The following CHCT1 variants were observed in gnomAD, a reference collection of about 807,000 sequenced individuals.
CHCT1 encodes the protein CHD1 helical C-terminal domain containing protein 1.
the CHCT1 span, among the ~76,000 whole-genome samples, chr17:60,425,496 T>C: frequency 1.3e-5 from 2 of 152,138 alleles, no homozygotes; most frequent in Admixed American, 1.3e-4. Flanking sequence ...CTGACAGAAT[T>C]TGCGGGAAGA....
At chr17:60,426,364 C>T in the CHCT1 span, 7 of 1,530,972 alleles carry the variant, frequency 4.6e-6, no homozygotes, top group Non-Finnish European at 6.2e-6. Context: ...CTCTGCTCCC[C>T]ATACCTACTC....
the CHCT1 span, among the ~76,000 whole-genome samples, chr17:60,424,686 C>T: frequency 6.6e-6 from 1 of 151,988 alleles, no homozygotes; most frequent in Non-Finnish European, 1.5e-5. Flanking sequence ...GAGTTTGAGA[C>T]CAGACTGGCC....
At chr17:60,424,822 G>A in the CHCT1 span, among the ~76,000 whole-genome samples, 74 of 150,744 alleles carry the variant, frequency 4.9e-4, no homozygotes, top group Admixed American at 1.1e-3. Context: ...GCAGTGAGCC[G>A]AGATCACACC....
the CHCT1 span, chr17:60,429,265 C>A: frequency 6.5e-4 from 861 of 1,328,320 alleles, 1 homozygote; most frequent in Admixed American, 1.5e-3. Context: ...GACCGGCAGG[C>A]AGACCTTAGC....
chr17:60,421,673 G>A, the CHCT1 span: 1 of 895,590 alleles, frequency 1.1e-6, no homozygotes. Context: ...CGCGCCAGGG[G>A]CGAGGGTCCC....
At chr17:60,426,730 G>A in the CHCT1 span, 58 of 1,610,956 alleles carry the variant, frequency 3.6e-5, no homozygotes, top group East Asian at 1.1e-3. Flanking sequence ...TGCTCTGGCG[G>A]TTCATCTCCC....
the CHCT1 span, chr17:60,426,516 C>G: frequency 9.6e-7 from 1 of 1,045,834 alleles, no homozygotes; most frequent in Admixed American, 2.7e-5. Flanking sequence ...TTGTCTCTGA[C>G]TGAACAACTG....
At chr17:60,422,030 C>CCAGCACA in the CHCT1 span, 1 of 870,618 alleles carries the variant, frequency 1.1e-6, no homozygotes, top group African/African-American at 1.8e-5. Flanking sequence ...CACCCAGCAC[C>CCAGCACA]CAGCACGGAG....
At chr17:60,426,393 A>G in the CHCT1 span, 1 of 1,457,808 alleles carries the variant, frequency 6.9e-7, no homozygotes, top group East Asian at 2.5e-5. Flanking sequence ...CCCCCTCTTC[A>G]TTCAAGGGGA....
At chr17:60,426,665 A>G in the CHCT1 span, 56 of 1,568,496 alleles carry the variant, frequency 3.6e-5, 1 homozygote, top group South Asian at 6.2e-4. Context: ...CAAATGCTGG[A>G]GGGAGGAAGC....
At chr17:60,429,615 TG>T in the CHCT1 span, 1 of 1,554,882 alleles carries the variant, frequency 6.4e-7, no homozygotes, top group Non-Finnish European at 8.8e-7. Context: ...GAGTGGTGTC[TG>T]GGTGTTTCCC....
chr17:60,429,467 G>A, the CHCT1 span: 12 of 1,614,122 alleles, frequency 7.4e-6, no homozygotes, highest in South Asian at 2.2e-5. Context: ...CAACATCAGC[G>A]GCATGAAGGA....
At chr17:60,431,095 C>A in the CHCT1 span, 2 of 901,278 alleles carry the variant, frequency 2.2e-6, no homozygotes, top group Non-Finnish European at 3.4e-6. Flanking sequence ...TCCTCTCTGC[C>A]CCTACAACAC....
At chr17:60,426,225 C>A in the CHCT1 span, 12 of 1,551,724 alleles carry the variant, frequency 7.7e-6, no homozygotes, top group East Asian at 1.7e-4. Context: ...AGGGACCTTC[C>A]CCAGAAGAAG....
At chr17:60,426,061 A>G in the CHCT1 span, 11 of 1,370,254 alleles carry the variant, frequency 8.0e-6, no homozygotes, top group Non-Finnish European at 1.0e-5. Context: ...GCACTGGGCC[A>G]CTCAGGGCTG....
the CHCT1 span, chr17:60,422,714 G>A: frequency 7.0e-7 from 1 of 1,430,504 alleles, no homozygotes; most frequent in South Asian, 1.4e-5. Context: ...TAGAGAACAT[G>A]AAATTCAGGA....
At chr17:60,430,598 G>A in the CHCT1 span, among the ~76,000 whole-genome samples, 1 of 152,014 alleles carries the variant, frequency 6.6e-6, no homozygotes, top group Non-Finnish European at 1.5e-5. Context: ...CTCCTGCCTC[G>A]GCCTCCTGAG....
chr17:60,421,511 G>A, the CHCT1 span: 1 of 985,476 alleles, frequency 1.0e-6, no homozygotes, highest in Non-Finnish European at 1.2e-6. Flanking sequence ...AACTGGGCCC[G>A]GGCCCAGAGG....
chr17:60,421,692 C>A, the CHCT1 span: 1 of 825,042 alleles, frequency 1.2e-6, no homozygotes, highest in African/African-American at 1.8e-5. Context: ...CCGGGGCCTC[C>A]TGAGCACCTC....
Sources: gnomAD v4.1 joint callset for allele counts (sites outside exome capture counted in the v4.1 genomes callset) on GRCh38, gnomAD v4.1.1 for gene constraint, MANE v1.5 for transcripts, NCBI Gene and HGNC (gene_info 2026-07-23, HGNC 2026-07-21) for gene names.